Variants in VMP1 observed in about 807,000 individuals in gnomAD.
The protein encoded by VMP1 is ectopic P-granules autophagy protein 3 homolog.
In VMP1, 11 loss-of-function variants were observed where a neutral mutation model predicts 56.0. That is an observed-to-expected ratio of 0.20 (90% CI 0.12 to 0.32). The LOEUF is 0.32. VMP1 is among the 10% of genes least tolerant of loss of function. The pLI is 1.00. For missense variants in VMP1, 296 were observed against 490.3 expected (o/e 0.60, Z 3.74); for synonymous variants, 149 against 165.0 (o/e 0.90, Z 0.74).
At chr17:59,772,651 C>T (rs2036469202) in intron 6 of VMP1, among the ~76,000 whole-genome samples, 1 of 151,432 alleles carries the variant, frequency 6.6e-6, no homozygotes, top group African/African-American at 2.4e-5. Context: ...CACCTGTAGT[C>T]CCAGCTAGTA....
At chr17:59,775,667 A>T (rs1476600637) in intron 7 of VMP1, among the ~76,000 whole-genome samples, 1 of 152,212 alleles carries the variant, frequency 6.6e-6, no homozygotes, top group Non-Finnish European at 1.5e-5. Context: ...ACTATTCAGC[A>T]GTTCAGACTT....
At chr17:59,817,372 TG>T (rs1484128068) in intron 9 of VMP1, among the ~76,000 whole-genome samples, 8 of 151,552 alleles carry the variant, frequency 5.3e-5, no homozygotes, top group African/African-American at 1.9e-4. Flanking sequence ...ATTTTTGATA[TG>T]GAGTCTCCTC....
At chr17:59,729,251 G>A (rs1276997491) in intron 1 of VMP1, among the ~76,000 whole-genome samples, 1 of 152,084 alleles carries the variant, frequency 6.6e-6, no homozygotes, top group African/African-American at 2.4e-5. Context: ...TTGTGAGGCC[G>A]AGGCAGGCAG....
chr17:59,761,397 T>C (rs931751157), intron 5 of VMP1, among the ~76,000 whole-genome samples: 5 of 152,242 alleles, frequency 3.3e-5, no homozygotes, highest in Admixed American at 3.3e-4. Flanking sequence ...ATGCTAGATA[T>C]GTAGTATTAA....
At position 59,797,754 on chromosome 17, in the gene VMP1, C is replaced by T. The variant is rs534882415; in HGVS notation, c.715-11042C>T. 5.9e-5 allele frequency among the ~76,000 whole-genome samples: 9 copies of T among 152,328 alleles called. No homozygotes were observed. The South Asian group carries it at 1.2e-3, about 21-fold the overall frequency. ...ATTAGCTGGGTGTGGTGGCATGGGC[C>T]TGTAGTCCCAGCTATTCAGGAGGCT... On this transcript the variant is annotated intron_variant, in intron 7 of 11. Coordinates refer to ENST00000262291, the MANE Select transcript of VMP1 (RefSeq NM_030938.5).
At chr17:59,804,570 G>A (rs1417268646) in intron 7 of VMP1, among the ~76,000 whole-genome samples, 1 of 132,210 alleles carries the variant, frequency 7.6e-6, no homozygotes, top group African/African-American at 2.9e-5. Context: ...AGCCAAGATC[G>A]CACCACTTCA....
chr17:59,754,340 A>G (rs890063519), intron 5 of VMP1, among the ~76,000 whole-genome samples: 2 of 152,162 alleles, frequency 1.3e-5, no homozygotes, highest in Admixed American at 6.5e-5. Flanking sequence ...GACATTTCTG[A>G]TACTTTTTGA....
intron 5 of VMP1, among the ~76,000 whole-genome samples, chr17:59,762,339 C>G (rs1041474047): frequency 1.3e-5 from 2 of 152,016 alleles, no homozygotes; most frequent in African/African-American, 2.4e-5. Context: ...TCTTTACCCT[C>G]TTGTTTCTTT....
intron 9 of VMP1, among the ~76,000 whole-genome samples, chr17:59,813,703 C>G (rs1174969043): frequency 6.6e-6 from 1 of 151,864 alleles, no homozygotes; most frequent in African/African-American, 2.4e-5. Flanking sequence ...TAGAAGAGAG[C>G]TGTCATTTAG....
intron 1 of VMP1, among the ~76,000 whole-genome samples, chr17:59,728,689 T>G (rs2034701881): frequency 6.6e-6 from 1 of 150,874 alleles, no homozygotes; most frequent in Non-Finnish European, 1.5e-5. Flanking sequence ...ATGAGATTAT[T>G]TATTTATTTA....
At chr17:59,796,557 T>A (rs1311141368) in intron 7 of VMP1, among the ~76,000 whole-genome samples, 1 of 152,214 alleles carries the variant, frequency 6.6e-6, no homozygotes, top group Non-Finnish European at 1.5e-5. Context: ...AATTTTGTCT[T>A]CCCAAATTGA....
chr17:59,758,737 T>A (rs1468308340), intron 5 of VMP1, among the ~76,000 whole-genome samples: 1 of 151,766 alleles, frequency 6.6e-6, no homozygotes, highest in African/African-American at 2.4e-5. Context: ...GAGGTGTTGG[T>A]AGGAGGATCC....
intron 7 of VMP1, among the ~76,000 whole-genome samples, chr17:59,785,280 T>C (rs2036968539): frequency 6.6e-6 from 1 of 152,216 alleles, no homozygotes; most frequent in South Asian, 2.1e-4. Context: ...CAGTGTTAGG[T>C]TGCTGACTAT....
chr17:59,773,864 G>A lies in VMP1; in HGVS notation c.693G>A (p.Leu231=). 6.2e-7 allele frequency: 1 copy of A among 1,612,698 alleles called. No individual in the cohort carries two copies. Residue 231 remains leucine, a synonymous_variant, in exon 7 of 12, where the codon CTG becomes CTA. Coordinates refer to ENST00000262291, the MANE Select transcript of VMP1 (RefSeq NM_030938.5). ...AGTATCAGGAATTTGAAGAGATGCTGGAACATGCAGAGTCTGCACAAGTAA... is the reference window on the plus strand; with the variant it reads ...AGTATCAGGAATTTGAAGAGATGCTAGAACATGCAGAGTCTGCACAAGTAA... The part of the protein sequence containing the change: ...DEEYQEFEEM[L]EHAESAQDFA...
intron 9 of VMP1, among the ~76,000 whole-genome samples, chr17:59,813,687 T>A (rs1230262112): frequency 6.6e-6 from 1 of 152,180 alleles, no homozygotes. Context: ...TCTTTAGAGT[T>A]GTTTCTAGAA....
intron 7 of VMP1, among the ~76,000 whole-genome samples, chr17:59,801,080 G>GGA (rs1555623857): frequency 6.0e-5 from 4 of 66,206 alleles, no homozygotes; most frequent in East Asian, 7.6e-4. Context: ...ACTCCATCTC[G>GGA]AAAAAAAAAA....
chr17:59,839,641 C>G (rs2039095372), intron 11 of VMP1, 127 bp from the exon 12 acceptor site: 11 of 1,233,652 alleles, frequency 8.9e-6, no homozygotes, highest in Non-Finnish European at 1.2e-5. Context: ...GTTGGGGTTG[C>G]TTACTTTTCA....
At chr17:59,747,404 T>G (rs1169835190) in intron 5 of VMP1, among the ~76,000 whole-genome samples, 1 of 139,574 alleles carries the variant, frequency 7.2e-6, no homozygotes, top group Non-Finnish European at 1.5e-5. Context: ...TTTCTTTCTT[T>G]CTTTCTTTCT....
intron 10 of VMP1, among the ~76,000 whole-genome samples, chr17:59,822,375 C>T (rs1293795242): frequency 7.1e-6 from 1 of 140,856 alleles, no homozygotes; most frequent in Non-Finnish European, 1.5e-5. Context: ...GTCGCCCAGG[C>T]TGGAGTGCAG....
Sources: allele counts gnomAD v4.1 joint callset (sites outside exome capture counted in the v4.1 genomes callset), GRCh38; gene constraint gnomAD v4.1.1; transcripts MANE v1.5; gene names NCBI Gene and HGNC (gene_info 2026-07-23, HGNC 2026-07-21).